FAT3: variants seen among roughly 807,000 people sequenced by gnomAD.
FAT3 encodes FAT atypical cadherin 3.
FAT3 carries 95 observed loss-of-function variants against 310.2 expected under a neutral mutation model. The ratio of observed to expected loss-of-function variants is 0.31; its 90% CI spans 0.26 to 0.36. The LOEUF (loss-of-function observed/expected upper bound fraction) is 0.36. FAT3 is among the 10% of genes least tolerant of loss of function. The probability of loss-of-function intolerance (pLI) is 1.00; values close to 1 mark genes in which losing one functional copy is unlikely to be tolerated. For synonymous variants in FAT3, 2,314 were observed against 2,192.9 expected (o/e 1.06, Z -1.54); for missense variants, 5,408 against 5,715.6 (o/e 0.95, Z 1.74).
At chr11:92,725,828 A>T (rs1223731072) in intron 4 of FAT3, among the ~76,000 whole-genome samples, 10 of 152,204 alleles carry the variant, frequency 6.6e-5, no homozygotes, top group Non-Finnish European at 4.4e-5. Context: ...TTGAGCCAAG[A>T]GTGGAATAAT....
At chr11:92,858,287 A>T (rs1209454456) in intron 20 of FAT3, among the ~76,000 whole-genome samples, 1 of 152,204 alleles carries the variant, frequency 6.6e-6, no homozygotes, top group African/African-American at 2.4e-5. Flanking sequence ...TAAGGCTTAG[A>T]ATTACAGGAA....
chr11:92,449,394 G>A (rs181574779), intron 2 of FAT3, among the ~76,000 whole-genome samples: 100 of 152,256 alleles, frequency 6.6e-4, no homozygotes, highest in African/African-American at 2.4e-3. Flanking sequence ...TGAGCTCTGG[G>A]AGGGGCAGTG....
At chr11:92,662,073 C>T (rs925399952) in intron 3 of FAT3, among the ~76,000 whole-genome samples, 1 of 152,132 alleles carries the variant, frequency 6.6e-6, no homozygotes, top group Admixed American at 6.6e-5. Context: ...ATGAGATTAA[C>T]ATACCAGACC....
chr11:92,676,548 A>T (rs1943294382), intron 3 of FAT3, among the ~76,000 whole-genome samples: 1 of 152,198 alleles, frequency 6.6e-6, no homozygotes, highest in Non-Finnish European at 1.5e-5. Context: ...GAAAGAGGTA[A>T]AATTACCTGG....
At chr11:92,410,626 T>G (rs1289213993) in intron 2 of FAT3, among the ~76,000 whole-genome samples, 1 of 152,116 alleles carries the variant, frequency 6.6e-6, no homozygotes, top group Middle Eastern at 3.2e-3. Flanking sequence ...TTGCTTTTTG[T>G]TTTTAGCTAA....
intron 7 of FAT3, among the ~76,000 whole-genome samples, chr11:92,782,565 T>G (rs1391394801): frequency 6.6e-6 from 1 of 152,108 alleles, no homozygotes; most frequent in African/African-American, 2.4e-5. Context: ...CAAAAAGTAA[T>G]TAATTAATTA....
In FAT3 at chr11:92,798,583, G is replaced by A; in HGVS notation, c.5570G>A (p.Gly1857Asp). ...FHFHVHVRDS[G>D]SPQLTAESPV... is the part of the protein sequence containing the mutation. ...TTTCATGTGCATGTGAGAGACAGTGGTAGCCCCCAACTGACTGCAGAGAGT... is the reference window on the plus strand; with the variant it reads ...TTTCATGTGCATGTGAGAGACAGTGATAGCCCCCAACTGACTGCAGAGAGT... Residue 1857 changes from glycine to aspartate, a missense_variant, in exon 10 of 28, where the codon GGT becomes GAT. Physicochemically the swap from Gly to Asp is moderately conservative, Grantham distance 94. This residue lies in a region of FAT3 where 4,588 missense variants were observed against 4,809.8 expected (regional missense o/e 0.95). Transcript: ENST00000525166. 1.2e-6 allele frequency: 2 copies of A among 1,613,682 alleles called. No homozygotes were observed. Among genetic ancestry groups the A allele is most frequent in the South Asian group, 1.1e-5 (1 of 91,048 alleles).
chr11:92,559,196 T>G (rs979691105), intron 3 of FAT3, among the ~76,000 whole-genome samples: 1 of 152,082 alleles, frequency 6.6e-6, no homozygotes, highest in Non-Finnish European at 1.5e-5. Context: ...TTCAGATTGT[T>G]CAGTTCAATG....
Position 92,385,527 on chromosome 11 carries a change from C to G in FAT3, c.3292+30123C>G, listed in dbSNP as rs534174386. ...GGATTACAGGCGTGTACCACCACACCCAGCTAATTTTTATATTTTCAGAAG... is the reference window on the plus strand; with the variant it reads ...GGATTACAGGCGTGTACCACCACACGCAGCTAATTTTTATATTTTCAGAAG... On this transcript the variant is annotated intron_variant, in intron 2 of 27. Coordinates refer to ENST00000525166, the MANE Select transcript of FAT3 (RefSeq NM_001367949.2). Among the ~76,000 whole-genome samples, 6 of 152,122 alleles carry G rather than the reference C, an allele frequency of 3.9e-5. No homozygotes were observed. In the South Asian group the frequency reaches 1.2e-3, roughly 32 times the overall value.
chr11:92,738,927 G>A (rs1945426768), intron 4 of FAT3, among the ~76,000 whole-genome samples: 1 of 152,146 alleles, frequency 6.6e-6, no homozygotes, highest in Non-Finnish European at 1.5e-5. Flanking sequence ...CTTGGAAGTA[G>A]TATGAATGAA....
chr11:92,277,147 A>G (rs1420342743), intron 1 of FAT3, among the ~76,000 whole-genome samples: 2 of 152,164 alleles, frequency 1.3e-5, no homozygotes, highest in Non-Finnish European at 2.9e-5. Context: ...AATTAATGAA[A>G]TGTGCCTGTG....
chr11:92,761,812 G>T (rs754846629), intron 4 of FAT3, 44 bp from the exon 5 acceptor site: 2 of 1,562,676 alleles, frequency 1.3e-6, no homozygotes, highest in African/African-American at 1.4e-5. Context: ...GTAATAGCAA[G>T]AATAATTTTC....
intron 2 of FAT3, among the ~76,000 whole-genome samples, chr11:92,472,675 A>G (rs1446446565): frequency 6.6e-6 from 1 of 152,204 alleles, no homozygotes; most frequent in Non-Finnish European, 1.5e-5. Flanking sequence ...TAAAAACTGA[A>G]CTACTAACAC....
intron 3 of FAT3, among the ~76,000 whole-genome samples, chr11:92,613,132 C>T (rs538378158): frequency 6.6e-6 from 1 of 152,268 alleles, no homozygotes; most frequent in South Asian, 2.1e-4. Context: ...TTCAAGTATT[C>T]AATGGGCTCC....
chr11:92,535,420 C>T (rs1954221797), intron 3 of FAT3, among the ~76,000 whole-genome samples: 1 of 152,194 alleles, frequency 6.6e-6, no homozygotes, highest in Non-Finnish European at 1.5e-5. Flanking sequence ...TTCTTTTAAG[C>T]TACCCAGTTT....
intron 3 of FAT3, among the ~76,000 whole-genome samples, chr11:92,688,603 A>G (rs1289444653): frequency 2.0e-5 from 3 of 152,146 alleles, no homozygotes; most frequent in Non-Finnish European, 4.4e-5. Flanking sequence ...AGTATTTTTT[A>G]AAACTCCCCA....
intron 2 of FAT3, among the ~76,000 whole-genome samples, chr11:92,416,880 T>C (rs1262318126): frequency 6.6e-6 from 1 of 152,128 alleles, no homozygotes; most frequent in Non-Finnish European, 1.5e-5. Flanking sequence ...GATTGATGCA[T>C]TTGACCTTTG....
intron 19 of FAT3, among the ~76,000 whole-genome samples, chr11:92,851,821 T>C (rs969772268): frequency 6.6e-6 from 1 of 152,152 alleles, no homozygotes; most frequent in African/African-American, 2.4e-5. Context: ...GCTAATAAGA[T>C]AAACTTTCTC....
At chr11:92,617,668 G>T (rs1190495977) in intron 3 of FAT3, among the ~76,000 whole-genome samples, 1 of 152,102 alleles carries the variant, frequency 6.6e-6, no homozygotes, top group African/African-American at 2.4e-5. Context: ...TTTTGGTGTG[G>T]ATGTCCTTTC....
Sources: allele counts gnomAD v4.1 joint callset (sites outside exome capture counted in the v4.1 genomes callset), GRCh38; gene constraint gnomAD v4.1.1; regional missense constraint gnomAD v4.1.1; transcripts MANE v1.5; gene names NCBI Gene and HGNC (gene_info 2026-07-23, HGNC 2026-07-21).